RGS6: variants seen among roughly 807,000 people sequenced by gnomAD.
RGS6 encodes the protein regulator of G protein signaling 6, also known as regulator of G-protein signaling 6.
A neutral mutation model predicts 78.5 loss-of-function variants in RGS6; 30 were observed. That is an observed-to-expected ratio of 0.38 (90% CI 0.29 to 0.52). RGS6 has a LOEUF of 0.52. Among genes scored for constraint, RGS6 ranks in the 20% least tolerant of loss-of-function variants. RGS6 has a pLI of 0.85. For missense variants in RGS6, 495 were observed against 609.7 expected (o/e 0.81, Z 1.98); for synonymous variants, 206 against 206.0 (o/e 1.00, Z 0.00).
chr14:72,113,757 T>C (rs962639246), intron 2 of RGS6, among the ~76,000 whole-genome samples: 31 of 152,160 alleles, frequency 2.0e-4, no homozygotes, highest in African/African-American at 7.2e-4. Context: ...GTCCTGCACA[T>C]CTTTCAGGCT....
chr14:71,879,403 A>G, the RGS6 span, among the ~76,000 whole-genome samples: 1 of 152,228 alleles, frequency 6.6e-6, no homozygotes, highest in Non-Finnish European at 1.5e-5. Flanking sequence ...TAATATGAGC[A>G]AGATGACTCC....
chr14:72,371,780 A>G (rs1016300957), intron 3 of RGS6, among the ~76,000 whole-genome samples: 1 of 152,258 alleles, frequency 6.6e-6, no homozygotes, highest in East Asian at 1.9e-4. Context: ...TTAATTAAAT[A>G]AAACATTCTG....
intron 2 of RGS6, among the ~76,000 whole-genome samples, chr14:72,159,147 G>A (rs115027163): frequency 1.7e-3 from 258 of 152,276 alleles, no homozygotes; most frequent in African/African-American, 6.1e-3. Flanking sequence ...CTTTGCCCTT[G>A]TAGCAGCCCT....
chr14:72,220,047 C>A (rs2046492609), intron 2 of RGS6, among the ~76,000 whole-genome samples: 1 of 152,142 alleles, frequency 6.6e-6, no homozygotes, highest in Admixed American at 6.6e-5. Flanking sequence ...TTTCAGGACA[C>A]AAAATCAGTG....
At chr14:72,256,508 A>G (rs1567593797) in intron 2 of RGS6, among the ~76,000 whole-genome samples, 3 of 152,180 alleles carry the variant, frequency 2.0e-5, no homozygotes, top group Admixed American at 6.5e-5. Context: ...CTAGGGGACA[A>G]TGGTTGGTTA....
the RGS6 span, among the ~76,000 whole-genome samples, chr14:72,585,384 T>C: frequency 6.6e-6 from 1 of 152,074 alleles, no homozygotes; most frequent in African/African-American, 2.4e-5. Flanking sequence ...GATATTAACA[T>C]AATGAGGTGT....
intron 2 of RGS6, among the ~76,000 whole-genome samples, chr14:72,217,404 G>A (rs1461322938): frequency 6.6e-6 from 1 of 152,160 alleles, no homozygotes; most frequent in African/African-American, 2.4e-5. Context: ...TCACAGTGTG[G>A]TAAGAAGACC....
chr14:72,244,918 G>A (rs1374570641), intron 2 of RGS6, among the ~76,000 whole-genome samples: 2 of 152,120 alleles, frequency 1.3e-5, no homozygotes, highest in South Asian at 2.1e-4. Context: ...TGCACCTCCT[G>A]GGTTCGAGTG....
At chr14:72,239,014 A>G (rs1016196365) in intron 2 of RGS6, among the ~76,000 whole-genome samples, 2 of 148,006 alleles carry the variant, frequency 1.4e-5, no homozygotes, top group Non-Finnish European at 3.0e-5. Flanking sequence ...ATGGAGGGGC[A>G]TAAAGCAGAA....
At chr14:72,445,481 AT>A (rs34316528) in intron 3 of RGS6, among the ~76,000 whole-genome samples, 100,240 of 147,750 alleles carry the variant, frequency 0.68, 34,030 homozygotes, top group East Asian at 0.97. Context: ...AAAAGATGTG[AT>A]TTTTTTTTTT....
chr14:71,923,168 T>C, the RGS6 span, among the ~76,000 whole-genome samples: 1 of 152,194 alleles, frequency 6.6e-6, no homozygotes, highest in South Asian at 2.1e-4. Flanking sequence ...CTAATGAAGA[T>C]CCACTCTAGT....
At chr14:72,623,601 G>A in the RGS6 span, among the ~76,000 whole-genome samples, 1 of 152,302 alleles carries the variant, frequency 6.6e-6, no homozygotes, top group Non-Finnish European at 1.5e-5. Context: ...TTATTGAAGA[G>A]CAAGATTTTG....
chr14:72,068,792 G>T (rs571567194), intron 2 of RGS6, among the ~76,000 whole-genome samples: 1 of 151,286 alleles, frequency 6.6e-6, no homozygotes, highest in East Asian at 2.0e-4. Flanking sequence ...ACTGCGCCCG[G>T]CCCACTCTTC....
intron 2 of RGS6, among the ~76,000 whole-genome samples, chr14:72,333,998 G>A (rs551910260): frequency 1.1e-4 from 16 of 152,294 alleles, no homozygotes; most frequent in African/African-American, 2.9e-4. Context: ...TTTGCTGCAC[G>A]TGTGTTACCA....
chr14:71,867,814 G>A, the RGS6 span, among the ~76,000 whole-genome samples: 5 of 152,086 alleles, frequency 3.3e-5, no homozygotes, highest in Admixed American at 2.0e-4. Context: ...GGGTTGATGA[G>A]GTAGGGGATG....
At chr14:72,252,299 C>T (rs571895531) in intron 2 of RGS6, among the ~76,000 whole-genome samples, 19 of 152,258 alleles carry the variant, frequency 1.2e-4, no homozygotes, top group African/African-American at 4.6e-4. Flanking sequence ...AACAATGATT[C>T]TTTTTATCAG....
intron 2 of RGS6, among the ~76,000 whole-genome samples, chr14:72,193,534 G>A (rs759053703): frequency 6.6e-6 from 1 of 152,212 alleles, no homozygotes; most frequent in Admixed American, 6.5e-5. Flanking sequence ...GAGGTGAACA[G>A]CTCACAGATC....
At chr14:71,952,166 T>C (rs2152998265) in intron 1 of RGS6, among the ~76,000 whole-genome samples, 1 of 152,294 alleles carries the variant, frequency 6.6e-6, no homozygotes, top group African/African-American at 2.4e-5. Context: ...TGAATAGAAG[T>C]GGTGATAGTG....
At chr14:72,506,020 A>T in intron 13 of RGS6, among the ~76,000 whole-genome samples, 1 of 152,350 alleles carries the variant, frequency 6.6e-6, no homozygotes, top group Non-Finnish European at 1.5e-5. Context: ...CAGGAACTTG[A>T]TAAGAATGAA....
Sources: gnomAD v4.1 joint callset for allele counts (sites outside exome capture counted in the v4.1 genomes callset) on GRCh38, gnomAD v4.1.1 for gene constraint, MANE v1.5 for transcripts, NCBI Gene and HGNC (gene_info 2026-07-23, HGNC 2026-07-21) for gene names.